The following TENM1 variants were observed in gnomAD, a reference collection of about 807,000 sequenced individuals.
TENM1 encodes teneurin transmembrane protein 1, also known as teneurin-1.
In TENM1, 35 loss-of-function variants were observed where a neutral mutation model predicts 174.8. The ratio of observed to expected loss-of-function variants is 0.20; its 90% confidence interval spans 0.15 to 0.27. The LOEUF is 0.27. TENM1 is among the 10% of genes least tolerant of loss of function. TENM1 has a pLI of 1.00. For synonymous variants in TENM1, 781 were observed against 798.7 expected (o/e 0.98, Z 0.37); for missense variants, 1,633 against 2,130.1 (o/e 0.77, Z 4.59).
chrX:125,043,316 A>C, the TENM1 span, among the ~76,000 whole-genome samples: 1 of 2,378 alleles, frequency 4.2e-4, no homozygotes, highest in Non-Finnish European at 7.5e-4. Flanking sequence ...ACAAATTTAC[A>C]AGAAAAAAAC....
At chrX:124,490,500 C>T (rs1041276988) in intron 20 of TENM1, among the ~76,000 whole-genome samples, 12 of 111,945 alleles carry the variant, frequency 1.1e-4, no homozygotes, top group African/African-American at 3.9e-4. Flanking sequence ...CAGTTCTACT[C>T]CATTCCCAGT....
At chrX:124,875,415 AT>A (rs759796281) in intron 3 of TENM1, among the ~76,000 whole-genome samples, 72 of 104,519 alleles carry the variant, frequency 6.9e-4, no homozygotes, top group Admixed American at 9.3e-4. Flanking sequence ...TTGGTCTTAG[AT>A]TTTTTTTTTT....
At chrX:124,507,393 A>G (rs1480862620) in intron 18 of TENM1, among the ~76,000 whole-genome samples, 1 of 111,522 alleles carries the variant, frequency 9.0e-6, no homozygotes, top group Non-Finnish European at 1.9e-5. Context: ...ACACAGAGAT[A>G]TTAACGGAAT....
chrX:124,737,097 T>C, exon 4 of TENM1: 1 of 1,210,847 alleles, frequency 8.3e-7, no homozygotes, highest in Non-Finnish European at 1.1e-6. Flanking sequence ...GAGAGTCCGC[T>C]GCAGGGGGTG....
At chrX:124,895,796 A>T (rs1245983556) in intron 2 of TENM1, among the ~76,000 whole-genome samples, 185 bp downstream of exon 5, 1 of 112,321 alleles carries the variant, frequency 8.9e-6, no homozygotes, top group Non-Finnish European at 1.9e-5. Flanking sequence ...TTTGTCTGTT[A>T]TTATAAATAA....
At chrX:124,583,888 G>T (rs1437527921) in intron 11 of TENM1, among the ~76,000 whole-genome samples, 1 of 105,870 alleles carries the variant, frequency 9.4e-6, no homozygotes, top group Non-Finnish European at 1.9e-5. Flanking sequence ...CGTGAAGAAT[G>T]CAGAAGCCTC....
the TENM1 span, among the ~76,000 whole-genome samples, chrX:125,042,832 T>C: frequency 9.0e-6 from 1 of 111,101 alleles, no homozygotes; most frequent in Non-Finnish European, 1.9e-5. Flanking sequence ...AGTTCAAGGG[T>C]TTGACTAGAT....
rs544865290 is a variant in TENM1 at position 124,530,297 on chromosome X, A to G, written c.2652-314T>C. On this transcript the variant is annotated intron_variant, in intron 15 of 31. Coordinates refer to ENST00000422452, the Ensembl canonical transcript of TENM1. ...TAATACACCCTTAAATTAGTATCCT[A>G]TAACTTGCTTAACCTACCCCTGATT... Among the ~76,000 whole-genome samples the G allele has an allele frequency of 6.3e-5, 7 of 110,788 alleles. No individual in the cohort carries two copies. In the South Asian group the frequency reaches 2.3e-3, roughly 36 times the overall value.
chrX:124,491,762 C>T (rs1313306473), intron 20 of TENM1, among the ~76,000 whole-genome samples: 1 of 111,817 alleles, frequency 8.9e-6, no homozygotes, highest in Non-Finnish European at 1.9e-5. Context: ...TCAGATGTTT[C>T]AATTGGAAAC....
chrX:124,466,718 T>A (rs982518818), intron 22 of TENM1, among the ~76,000 whole-genome samples: 2 of 111,344 alleles, frequency 1.8e-5, no homozygotes, highest in African/African-American at 3.3e-5. Context: ...AAAGTAACCC[T>A]TCTTCTGTCC....
At chrX:125,160,522 G>A in the TENM1 span, among the ~76,000 whole-genome samples, 3 of 83,999 alleles carry the variant, frequency 3.6e-5, no homozygotes, top group African/African-American at 1.4e-4. Flanking sequence ...TCTAGCCTGG[G>A]CGACAGAGCA....
chrX:124,480,831 A>T (rs2046825681), intron 22 of TENM1, among the ~76,000 whole-genome samples: 1 of 111,822 alleles, frequency 8.9e-6, no homozygotes, highest in Admixed American at 9.5e-5. Context: ...ACACACACAC[A>T]CACATACACA....
chrX:124,922,409 G>A (rs751659293), intron 1 of TENM1, among the ~76,000 whole-genome samples: 6 of 110,656 alleles, frequency 5.4e-5, no homozygotes, highest in African/African-American at 1.6e-4. Flanking sequence ...ACATATTTTC[G>A]CAGACCAGCT....
chrX:124,820,564 C>T (rs2056017039), intron 3 of TENM1, among the ~76,000 whole-genome samples: 1 of 112,254 alleles, frequency 8.9e-6, no homozygotes, highest in Non-Finnish European at 1.9e-5. Context: ...TCCATTAAGG[C>T]TTGTCATCAG....
At chrX:124,421,000 G>C (rs190341662) in intron 24 of TENM1, among the ~76,000 whole-genome samples, 179 bp from the exon 28 acceptor site, 7 of 112,204 alleles carry the variant, frequency 6.2e-5, no homozygotes, top group African/African-American at 2.3e-4. Flanking sequence ...TGTAATTCTT[G>C]AGTCAGTACC....
chrX:125,088,410 T>C, the TENM1 span, among the ~76,000 whole-genome samples: 1 of 110,823 alleles, frequency 9.0e-6, no homozygotes, highest in Admixed American at 9.6e-5. Flanking sequence ...TCAGGGACTT[T>C]AGGTAATAAT....
At chrX:124,897,702 A>G (rs2057586279) in intron 1 of TENM1, among the ~76,000 whole-genome samples, 1 of 112,448 alleles carries the variant, frequency 8.9e-6, no homozygotes. Context: ...TTTCAGGGTT[A>G]TAAGTCACTG....
intron 11 of TENM1, among the ~76,000 whole-genome samples, chrX:124,613,588 T>A (rs1354329476): frequency 1.8e-5 from 2 of 111,600 alleles, no homozygotes; most frequent in African/African-American, 6.5e-5. Context: ...ATTATTCTGG[T>A]GTCCTCTAAA....
At chrX:124,642,847 G>C (rs1330665717) in intron 10 of TENM1, among the ~76,000 whole-genome samples, 2 of 112,378 alleles carry the variant, frequency 1.8e-5, no homozygotes, top group Non-Finnish European at 3.8e-5. Flanking sequence ...CAAATAAAAT[G>C]AGACTAAAAT....
Sources: allele counts gnomAD v4.1 joint callset (sites outside exome capture counted in the v4.1 genomes callset), GRCh38; gene constraint gnomAD v4.1.1; transcripts MANE v1.5; gene names NCBI Gene and HGNC (gene_info 2026-07-23, HGNC 2026-07-21).